FNDC3B: variants seen among roughly 807,000 people sequenced by gnomAD.
FNDC3B encodes fibronectin type III domain-containing protein 3B.
In FNDC3B, 12 loss-of-function variants were observed where a neutral mutation model predicts 151.5. The ratio of observed to expected loss-of-function variants is 0.08; its 90% confidence interval spans 0.05 to 0.13. FNDC3B has a LOEUF of 0.13. Among genes scored for constraint, FNDC3B ranks in the 10% least tolerant of loss-of-function variants. The probability of loss-of-function intolerance (pLI) is 1.00; values close to 1 mark genes in which losing one functional copy is unlikely to be tolerated. For missense variants in FNDC3B, 1,214 were observed against 1,505.3 expected (o/e 0.81, Z 3.20); for synonymous variants, 528 against 549.0 (o/e 0.96, Z 0.54).
At position 172,378,286 on chromosome 3, in the gene FNDC3B, A is replaced by G; in HGVS notation, c.3025A>G (p.Arg1009Gly). The G allele has an allele frequency of 6.2e-7, 1 of 1,602,196 alleles. No homozygotes were observed. Among genetic ancestry groups the G allele is most frequent in the Non-Finnish European group, 8.5e-7 (1 of 1,176,410 alleles). The change falls in exon 24 of 26, where the codon AGA (arginine) becomes GGA (glycine). Residue 1009 changes from arginine (R) to glycine (G), a missense_variant. By Grantham distance (125) the Arg-to-Gly change is moderately radical. Transcript: ENST00000415807. The stretch of plus-strand genomic sequence containing the variant: ...TTCTTCTAGGTTTATTTCAATCTAC[A>G]GAGGACCCAGCCACACCTACAAGGT... ...DRNKRFISIYRGPSHTYKVQR... is the reference protein window; with the variant it reads ...DRNKRFISIYGGPSHTYKVQR...
rs536050028 is a variant in FNDC3B, at chr3:172,100,383, C to T, written c.-28-12069C>T. ...TCAAACACTGAAATTCACCTATTTG[C>T]GTATAAGCCATATATATACCAATTA... On this transcript the variant is annotated intron_variant, in intron 1 of 25. Transcript: ENST00000415807. 1.1e-4 allele frequency among the ~76,000 whole-genome samples: 17 copies of T among 152,192 alleles called. No individual in the cohort carries two copies. In the South Asian group the frequency reaches 2.9e-3, roughly 26 times the overall value.
intron 3 of FNDC3B, among the ~76,000 whole-genome samples, chr3:172,183,627 G>C (rs1051541405): frequency 6.6e-6 from 1 of 152,100 alleles, no homozygotes; most frequent in African/African-American, 2.4e-5. Context: ...CACTTATCCA[G>C]GTGTTGCTAA....
intron 1 of FNDC3B, among the ~76,000 whole-genome samples, chr3:172,102,607 T>C (rs1341734397): frequency 6.6e-6 from 1 of 152,194 alleles, no homozygotes; most frequent in Non-Finnish European, 1.5e-5. Flanking sequence ...AGAGCTTACA[T>C]AGGAAAACCT....
In FNDC3B at chr3:172,397,149, C is replaced by T. The variant is rs1736330946; in HGVS notation, c.3304-15C>T. On this transcript the variant is annotated splice_polypyrimidine_tract_variant and intron_variant, in intron 25 of 25. Transcript: ENST00000415807. ...TGCTATAAATTAATTAACTAGGACT[C>T]TTCTTTTCCTGAAGGTGTACAAGGG... 1 of 1,580,226 alleles carries T rather than the reference C, an allele frequency of 6.3e-7. No homozygotes were observed. Among genetic ancestry groups the T allele is most frequent in the East Asian group, 2.2e-5 (1 of 44,458 alleles).
chr3:172,145,776 T>C (rs1721874042), intron 3 of FNDC3B, among the ~76,000 whole-genome samples: 1 of 152,054 alleles, frequency 6.6e-6, no homozygotes, highest in South Asian at 2.1e-4. Context: ...ATAGTATAAA[T>C]TGTCTTTGAG....
intron 1 of FNDC3B, among the ~76,000 whole-genome samples, chr3:172,070,145 T>C (rs1046586759): frequency 6.6e-6 from 1 of 152,214 alleles, no homozygotes; most frequent in Non-Finnish European, 1.5e-5. Context: ...CTGTAGGTGC[T>C]TATCTTCTGC....
At chr3:172,101,673 C>T (rs1039206435) in intron 1 of FNDC3B, among the ~76,000 whole-genome samples, 1 of 152,202 alleles carries the variant, frequency 6.6e-6, no homozygotes, top group Non-Finnish European at 1.5e-5. Context: ...ATTACTCTAG[C>T]AGTCTCTTCA....
At chr3:172,341,645 C>T (rs1733330087) in intron 17 of FNDC3B, among the ~76,000 whole-genome samples, 1 of 152,198 alleles carries the variant, frequency 6.6e-6, no homozygotes, top group South Asian at 2.1e-4. Context: ...GAATTTGAGA[C>T]ATACCTTCCT....
intron 11 of FNDC3B, among the ~76,000 whole-genome samples, chr3:172,313,054 T>C (rs1731599397): frequency 6.6e-6 from 1 of 152,180 alleles, no homozygotes; most frequent in South Asian, 2.1e-4. Context: ...CTTTTCTTAA[T>C]TCCCTTCCCT....
At position 172,236,098 on chromosome 3, in the gene FNDC3B, G is replaced by T. The variant is rs1360668893; in HGVS notation, c.264+9151G>T. On this transcript the variant is annotated intron_variant, in intron 4 of 25. Transcript: ENST00000415807. Reference sequence around the variant, plus strand: ...GCCTGTCCCCTAAAATAGCATTTCTGTTTAATCTGAAATAATTATTTGATC... The same window carrying T: ...GCCTGTCCCCTAAAATAGCATTTCTTTTTAATCTGAAATAATTATTTGATC... Among the ~76,000 whole-genome samples, 13 of 152,186 alleles carry T rather than the reference G, an allele frequency of 8.5e-5. 1 individual carries two copies.
intron 19 of FNDC3B, among the ~76,000 whole-genome samples, chr3:172,344,478 A>T (rs1357682206): frequency 6.6e-6 from 1 of 152,224 alleles, no homozygotes; most frequent in Non-Finnish European, 1.5e-5. Context: ...TCCTCATATC[A>T]TTCTATGAAG....
chr3:172,319,599 C>T (rs757086285), intron 11 of FNDC3B, among the ~76,000 whole-genome samples: 2 of 152,184 alleles, frequency 1.3e-5, no homozygotes, highest in Non-Finnish European at 2.9e-5. Flanking sequence ...TGTGCCAGAG[C>T]GTGCAATAAA....
chr3:172,253,494 CATCCTTACAGTGT>C (rs1728182846), intron 6 of FNDC3B, among the ~76,000 whole-genome samples: 2 of 152,288 alleles, frequency 1.3e-5, no homozygotes, highest in African/African-American at 4.8e-5. Flanking sequence ...CCTTCTTTCT[CATCCTTACAGTGT>C]ATCTCCTGCT....
intron 3 of FNDC3B, among the ~76,000 whole-genome samples, chr3:172,214,704 C>G (rs1316167479): frequency 2.0e-5 from 3 of 151,724 alleles, no homozygotes; most frequent in Non-Finnish European, 1.5e-5. Context: ...CTTAGTAGTT[C>G]TAGTCCATAC....
intron 23 of FNDC3B, among the ~76,000 whole-genome samples, chr3:172,371,318 G>A (rs1282954074): frequency 6.6e-6 from 1 of 152,210 alleles, no homozygotes; most frequent in Non-Finnish European, 1.5e-5. Flanking sequence ...AACATGTTCA[G>A]TATAGATGCA....
intron 4 of FNDC3B, among the ~76,000 whole-genome samples, chr3:172,243,689 C>G (rs577948470): frequency 6.6e-6 from 1 of 152,314 alleles, no homozygotes; most frequent in African/African-American, 2.4e-5. Context: ...CCTTTGGTGT[C>G]TTCACGTGAT....
rs558650618 is a variant in FNDC3B, at chr3:172,267,088, C to T, written c.790+15547C>T. ...AAGTATCTGTCTCTACTAACACAGG[C>T]CAAGAATCATTTAGCAGAGCTACCT... On this transcript the variant is annotated intron_variant, in intron 6 of 25. Transcript: ENST00000415807. Among the ~76,000 whole-genome samples, 3 of 152,246 alleles carry T rather than the reference C, an allele frequency of 2.0e-5. No homozygotes were observed. In the South Asian group the frequency reaches 6.2e-4, roughly 32 times the overall value.
intron 2 of FNDC3B, among the ~76,000 whole-genome samples, chr3:172,128,193 T>C (rs1720900339): frequency 6.6e-6 from 1 of 152,152 alleles, no homozygotes; most frequent in Admixed American, 6.6e-5. Context: ...CCTGTTATTG[T>C]ATATTATTTT....
intron 7 of FNDC3B, among the ~76,000 whole-genome samples, chr3:172,289,811 T>C (rs796222146): frequency 1.7e-4 from 26 of 152,354 alleles, no homozygotes; most frequent in African/African-American, 5.8e-4. Context: ...TGCTTTGCAA[T>C]CTGGCACTCT....
Sources: allele counts gnomAD v4.1 joint callset (sites outside exome capture counted in the v4.1 genomes callset), GRCh38; gene constraint gnomAD v4.1.1; transcripts MANE v1.5; gene names NCBI Gene and HGNC (gene_info 2026-07-23, HGNC 2026-07-21).